The following CFAP46 variants were observed in gnomAD, a reference collection of about 807,000 sequenced individuals.
The protein encoded by CFAP46 is cilia and flagella associated protein 46.
In CFAP46, 245 loss-of-function variants were observed where a neutral mutation model predicts 325.7. The observed-to-expected ratio is 0.75, with a 90% CI of 0.68 to 0.84. The LOEUF is 0.84. Among genes scored for constraint, CFAP46 ranks in the 40% least tolerant of loss-of-function variants. CFAP46 has a pLI of 0.00. For synonymous variants in CFAP46, 1,523 were observed against 1,495.9 expected (o/e 1.02, Z -0.42); for missense variants, 3,346 against 3,543.0 (o/e 0.94, Z 1.41).
chr10:132,824,758 G>GCC, intron 50 of CFAP46, among the ~76,000 whole-genome samples: 1 of 113,554 alleles, frequency 8.8e-6, no homozygotes, highest in Non-Finnish European at 1.8e-5. Context: ...CTGTGTGAGT[G>GCC]CTGATGTGTG....
In CFAP46 at chr10:132,912,540, C is replaced by CT; in HGVS notation, c.2499+114_2499+115insA. Reference sequence around the variant, plus strand: ...CTCTCTCTCTTCACCTCTCTCCTCTCCTCTCTCTCTCTCTTCACCTCTCTC... The same window carrying CT: ...CTCTCTCTCTTCACCTCTCTCCTCTCTCTCTCTCTCTCTCTTCACCTCTCTC... On this transcript the variant is annotated intron_variant, in intron 19 of 57. Transcript: ENST00000368586. The CT allele has an allele frequency of 1.5e-5, 11 of 750,238 alleles. No individual in the cohort carries two copies. In the South Asian group the frequency reaches 1.9e-4, roughly 13 times the overall value. The allele number at this position is 750,238 out of a possible 1,614,324, so 46.5% of individuals were successfully genotyped here.
chr10:132,855,316 G>A (rs371529217), intron 39 of CFAP46, among the ~76,000 whole-genome samples: 42 of 152,224 alleles, frequency 2.8e-4, no homozygotes, highest in African/African-American at 8.9e-4. Context: ...TCCAAAATCG[G>A]CTGTGTGTGT....
At chr10:132,819,439 A>G (rs1847754838) in intron 50 of CFAP46, among the ~76,000 whole-genome samples, 1 of 152,240 alleles carries the variant, frequency 6.6e-6, no homozygotes, top group South Asian at 2.1e-4. Flanking sequence ...TAATCAAAGC[A>G]ATCCTGAGCA....
chr10:132,931,712 C>CA (rs1849908158), intron 8 of CFAP46, among the ~76,000 whole-genome samples: 2 of 137,886 alleles, frequency 1.5e-5, no homozygotes, highest in Non-Finnish European at 3.1e-5. Flanking sequence ...GGGCCTCCCT[C>CA]CTCTCCACAC....
intron 50 of CFAP46, among the ~76,000 whole-genome samples, chr10:132,824,713 GTGTGTACTGA>G (rs1220573854): frequency 2.0e-3 from 130 of 65,364 alleles, no homozygotes; most frequent in African/African-American, 4.2e-3. Flanking sequence ...TGTGTGCTGT[GTGTGTACTGA>G]TGTGTGCTGT....
intron 50 of CFAP46, among the ~76,000 whole-genome samples, chr10:132,821,865 T>TGCG (rs1847844522): frequency 6.9e-6 from 1 of 145,238 alleles, no homozygotes; most frequent in Admixed American, 6.7e-5. Context: ...GTGTGCTGTG[T>TGCG]GTGCTGTGTG....
chr10:132,825,229 CTG>C (rs1208343347), intron 50 of CFAP46, among the ~76,000 whole-genome samples: 11 of 127,672 alleles, frequency 8.6e-5, no homozygotes, highest in African/African-American at 1.2e-4. Flanking sequence ...CTGATGTGTG[CTG>C]TGTGTGTGCC....
Position 132,841,414 on chromosome 10 carries a change from G to A in CFAP46, c.6439-4500C>T, listed in dbSNP as rs566933736. Among the ~76,000 whole-genome samples, 14 of 152,342 alleles carry A rather than the reference G, an allele frequency of 9.2e-5. No individual in the cohort carries two copies. In the South Asian group the frequency reaches 2.9e-3, roughly 32 times the overall value. On this transcript the variant is annotated intron_variant, in intron 44 of 57. Transcript: ENST00000368586. Reference sequence around the variant, plus strand: ...TCTGGACGCAGGGGCTGGGGGTTGGGCCTCCCCGATGGCTTTGCTGGGTGC... The same window carrying A: ...TCTGGACGCAGGGGCTGGGGGTTGGACCTCCCCGATGGCTTTGCTGGGTGC...
Position 132,847,518 on chromosome 10 carries a change from G to A in CFAP46, c.5953-197C>T, listed in dbSNP as rs1382162417. 2.0e-5 allele frequency among the ~76,000 whole-genome samples: 3 copies of A among 152,066 alleles called. No homozygotes were observed. Among genetic ancestry groups the A allele is most frequent in the African/African-American group, 7.2e-5 (3 of 41,400 alleles). On this transcript the variant is annotated intron_variant, in intron 41 of 57. Coordinates refer to ENST00000368586, the MANE Select transcript of CFAP46 (RefSeq NM_001200049.3). This position sits in a 1 kb window ranked among gnomAD's most constrained non-coding sequence, Gnocchi z 5.2. The stretch of plus-strand genomic sequence containing the variant: ...TTGATGCAGGGTGGCCCTGACCCGT[G>A]AGCCTGGGCAAGGGGACGCTGGAGC...
chr10:132,903,316 C>T (rs1187690013), intron 22 of CFAP46, among the ~76,000 whole-genome samples: 2 of 152,214 alleles, frequency 1.3e-5, no homozygotes, highest in East Asian at 1.9e-4. Flanking sequence ...CACAGTTTAC[C>T]ACCAGACAGG....
At chr10:132,814,543 T>C in intron 53 of CFAP46, 34 bp downstream of exon 53, 1 of 1,551,262 alleles carries the variant, frequency 6.4e-7, no homozygotes, top group Non-Finnish European at 8.7e-7. Context: ...GAGGCTGGCG[T>C]GTGCCTGAAC....
intron 35 of CFAP46, 115 bp from the exon 36 acceptor site, chr10:132,861,097 G>A (rs1032800554): frequency 2.3e-5 from 24 of 1,047,996 alleles, no homozygotes; most frequent in African/African-American, 9.6e-5. Flanking sequence ...ACAGACAGAC[G>A]CACCAGGTGA....
intron 55 of CFAP46, among the ~76,000 whole-genome samples, chr10:132,811,894 C>T (rs552005302): frequency 1.1e-3 from 163 of 152,358 alleles, no homozygotes; most frequent in African/African-American, 3.8e-3. Flanking sequence ...CACACCTGCT[C>T]CGCTCCATCA....
chr10:132,845,577 CT>C (rs768208995), intron 44 of CFAP46, among the ~76,000 whole-genome samples: 1 of 152,222 alleles, frequency 6.6e-6, no homozygotes, highest in Non-Finnish European at 1.5e-5. Flanking sequence ...ATGTCGTCGT[CT>C]TTTTTCTTTA....
chr10:132,920,015 C>G, intron 14 of CFAP46, 44 bp downstream of exon 14: 2 of 1,467,578 alleles, frequency 1.4e-6, no homozygotes, highest in South Asian at 1.4e-5. Flanking sequence ...TGAGCGACCC[C>G]CGGGCTGAGC....
rs952698875 is a variant in CFAP46, at chr10:132,889,310, C to A, written c.3304+3023G>T. On this transcript the variant is annotated intron_variant, in intron 25 of 57. Coordinates refer to ENST00000368586, the MANE Select transcript of CFAP46 (RefSeq NM_001200049.3). This position sits in a 1 kb window ranked among gnomAD's most constrained non-coding sequence, Gnocchi z 6.0. ...TGAGACTGCATTCTCCAGAGCCGACCGGCTGGGTCTAGGGAGCAGAGGTGC... is the reference window on the plus strand; with the variant it reads ...TGAGACTGCATTCTCCAGAGCCGACAGGCTGGGTCTAGGGAGCAGAGGTGC... Among the ~76,000 whole-genome samples, 26 of 152,322 alleles carry A rather than the reference C, an allele frequency of 1.7e-4. No individual in the cohort carries two copies. The highest frequency in any genetic ancestry group is 6.0e-4 in the African/African-American group (25 of 41,566).
At chr10:132,900,627 G>A (rs1265743163) in intron 22 of CFAP46, among the ~76,000 whole-genome samples, 2 of 152,252 alleles carry the variant, frequency 1.3e-5, no homozygotes, top group East Asian at 1.9e-4. Context: ...GGCCTGCAGT[G>A]CCCAATGCAA....
At chr10:132,864,624 G>A (rs1404522952) in intron 35 of CFAP46, among the ~76,000 whole-genome samples, 161 of 90,964 alleles carry the variant, frequency 1.8e-3, no homozygotes, top group Middle Eastern at 0.012. Flanking sequence ...CCCGAGACTT[G>A]CACACACCTG....
chr10:132,818,261 G>A (rs577261863), intron 50 of CFAP46, among the ~76,000 whole-genome samples: 157 of 151,892 alleles, frequency 1.0e-3, no homozygotes, highest in Middle Eastern at 3.4e-3. Flanking sequence ...GGATCCCCTC[G>A]TAGAAAAAAC....
Sources: gnomAD v4.1 joint callset for allele counts (sites outside exome capture counted in the v4.1 genomes callset) on GRCh38, gnomAD v4.1.1 for gene constraint, Gnocchi (gnomAD v3.1) non-coding constraint, MANE v1.5 for transcripts, NCBI Gene and HGNC (gene_info 2026-07-23, HGNC 2026-07-21) for gene names.